Variants in PAG1 observed in about 807,000 individuals in gnomAD.
The protein encoded by PAG1 is phosphoprotein associated with glycosphingolipid-enriched microdomains 1.
A neutral mutation model predicts 31.7 loss-of-function variants in PAG1; 23 were observed. The ratio of observed to expected loss-of-function variants is 0.73; its 90% confidence interval spans 0.52 to 1.03. The LOEUF (loss-of-function observed/expected upper bound fraction) is 1.03. PAG1 is among the 50% of genes least tolerant of loss of function. PAG1 has a pLI of 0.00. For missense variants in PAG1, 473 were observed against 540.7 expected, an observed-to-expected ratio of 0.87 and a Z score of 1.24; for synonymous variants, 214 against 210.3, an observed-to-expected ratio of 1.02 and a Z score of -0.15.
intron 1 of PAG1, among the ~76,000 whole-genome samples, chr8:81,104,384 TC>T (rs1280221240): frequency 1.0e-5 from 1 of 96,072 alleles, no homozygotes; most frequent in African/African-American, 4.3e-5. Flanking sequence ...TTGGCCTTCG[TC>T]CTTTTTTTTT....
In PAG1 at chr8:80,990,267, G is replaced by A. The variant is rs1054970666; in HGVS notation, c.177+1212C>T. On this transcript the variant is annotated intron_variant, in intron 5 of 8. Transcript: ENST00000220597. The surrounding 1 kb of genome is among the most constrained non-coding windows in gnomAD (Gnocchi z 5.1). ...ATCCTGGGGGTCCCAGGAGGAACGG[G>A]GAGTCCTGACAACTTCCTGCCTGCT... Among the ~76,000 whole-genome samples, 2 of 152,042 alleles carry A rather than the reference G, an allele frequency of 1.3e-5. No homozygotes were observed. The highest frequency in any genetic ancestry group is 6.6e-5 in the Admixed American group (1 of 15,262).
rs565338494 is a variant in PAG1, at chr8:80,996,577, ATG to A, written c.-80-3272_-80-3271del. Among the ~76,000 whole-genome samples, 352 of 152,056 alleles carry A rather than the reference ATG, an allele frequency of 2.3e-3. 1 individual carries two copies. The highest frequency in any genetic ancestry group is 4.4e-3 in the Non-Finnish European group (297 of 67,970). On this transcript the variant is annotated intron_variant, in intron 3 of 8. Transcript: ENST00000220597. ...CAGGTCTAGATGGACTTCCTGGTAA[ATG>A]TGTGTCGGTGGACCGGCTCCTCCCC...
At chr8:81,008,383 A>G (rs1586161866) in intron 3 of PAG1, among the ~76,000 whole-genome samples, 1 of 152,168 alleles carries the variant, frequency 6.6e-6, no homozygotes, top group East Asian at 1.9e-4. Context: ...AACATAATTA[A>G]GAACAATGTA....
chr8:81,065,506 A>G (rs1428613035), intron 2 of PAG1, among the ~76,000 whole-genome samples: 1 of 152,180 alleles, frequency 6.6e-6, no homozygotes, highest in African/African-American at 2.4e-5. Context: ...GAAACTCGCC[A>G]TAGGTCACAA....
chr8:81,074,291 A>T (rs1387648132), intron 1 of PAG1, among the ~76,000 whole-genome samples: 1 of 152,156 alleles, frequency 6.6e-6, no homozygotes, highest in African/African-American at 2.4e-5. Flanking sequence ...GAGCTGTGTT[A>T]CGCAGGGTTG....
intron 2 of PAG1, among the ~76,000 whole-genome samples, chr8:81,059,949 C>A (rs535047784): frequency 6.6e-6 from 1 of 151,470 alleles, no homozygotes; most frequent in Non-Finnish European, 1.5e-5. Flanking sequence ...ACCCAGGAGG[C>A]GGAGGTTGCA....
At chr8:81,007,083 C>T (rs561699106) in intron 3 of PAG1, among the ~76,000 whole-genome samples, 1 of 152,194 alleles carries the variant, frequency 6.6e-6, no homozygotes, top group Admixed American at 6.5e-5. Flanking sequence ...CGTTTTCACT[C>T]TTTTTCTGGA....
At chr8:81,088,605 T>C (rs13274324) in intron 1 of PAG1, among the ~76,000 whole-genome samples, 67,494 of 152,032 alleles carry the variant, frequency 0.44, 16,933 homozygotes, top group East Asian at 0.66. Flanking sequence ...TAAGGAGATC[T>C]AGAAAATAGT....
intron 1 of PAG1, among the ~76,000 whole-genome samples, chr8:81,093,911 G>T (rs1187331142): frequency 6.6e-6 from 1 of 152,194 alleles, no homozygotes; most frequent in East Asian, 1.9e-4. Flanking sequence ...TCTGCAGGAC[G>T]TAATGGCCAG....
Position 80,984,940 on chromosome 8 carries a change from G to A in PAG1, c.712C>T (p.Gln238Ter). The A allele has an allele frequency of 6.2e-7, 1 of 1,614,136 alleles. No individual in the cohort carries two copies. The change falls in exon 7 of 9, where the codon CAA (glutamine) becomes TAA (stop). Residue 238 changes from glutamine (Q) to a stop codon, truncating the protein, a stop_gained. Coordinates refer to ENST00000220597, the MANE Select transcript of PAG1 (RefSeq NM_018440.4). LOFTEE classifies it high-confidence loss of function. ...ASVDRNKKCR[Q>*]SVNVESILGN... ...AGGATACTCTCTACATTAACACTTT[G>A]ACGACATTTTTTGTTTCTGTCCACC...
At chr8:81,030,736 C>T (rs1331345313) in intron 2 of PAG1, among the ~76,000 whole-genome samples, 1 of 152,176 alleles carries the variant, frequency 6.6e-6, no homozygotes, top group Non-Finnish European at 1.5e-5. Flanking sequence ...ACCTGTTGTT[C>T]TGCTGTTTTT....
intron 2 of PAG1, among the ~76,000 whole-genome samples, chr8:81,042,238 G>A (rs904191901): frequency 5.3e-5 from 8 of 152,198 alleles, no homozygotes; most frequent in Non-Finnish European, 1.2e-4. Flanking sequence ...ACCAGTCAAG[G>A]CTCTTGCCCA....
chr8:81,093,621 C>T (rs908987753), intron 1 of PAG1, among the ~76,000 whole-genome samples: 4 of 151,576 alleles, frequency 2.6e-5, no homozygotes, highest in Non-Finnish European at 5.9e-5. Flanking sequence ...TATGCCATAC[C>T]CCCAGATGTG....
chr8:80,993,612 T>C (rs1435127440), intron 3 of PAG1, among the ~76,000 whole-genome samples: 1 of 151,322 alleles, frequency 6.6e-6, no homozygotes, highest in Admixed American at 6.6e-5. Flanking sequence ...TTTTTTTTTT[T>C]TTTTTCTTCA....
intron 3 of PAG1, among the ~76,000 whole-genome samples, chr8:81,000,969 C>T (rs1282686609): frequency 1.3e-5 from 2 of 152,216 alleles, no homozygotes; most frequent in Non-Finnish European, 2.9e-5. Flanking sequence ...CTCCTAGGTT[C>T]CTCACACAAG....
At chr8:80,981,138 C>T (rs1054983849) in intron 7 of PAG1, among the ~76,000 whole-genome samples, 3 of 152,074 alleles carry the variant, frequency 2.0e-5, no homozygotes, top group Admixed American at 6.5e-5. Context: ...TGTCCACCCC[C>T]GGCCTCAGCA....
chr8:81,106,003 A>G (rs750421395), intron 1 of PAG1, among the ~76,000 whole-genome samples: 15 of 152,292 alleles, frequency 9.8e-5, no homozygotes, highest in Middle Eastern at 3.4e-3. Flanking sequence ...CATCTGTGAA[A>G]TGGGAGAGGG....
chr8:81,013,213 G>A (rs1021643127), intron 3 of PAG1, among the ~76,000 whole-genome samples: 1 of 152,210 alleles, frequency 6.6e-6, no homozygotes, highest in Non-Finnish European at 1.5e-5. Context: ...TTTAAGGTAT[G>A]GTCTTGGGTT....
intron 3 of PAG1, among the ~76,000 whole-genome samples, chr8:81,009,209 CAT>C (rs1223979422): frequency 6.6e-6 from 1 of 152,056 alleles, no homozygotes; most frequent in African/African-American, 2.4e-5. Flanking sequence ...TTTTTTATTT[CAT>C]ATGTTTTAAA....
Sources: allele counts gnomAD v4.1 joint callset (sites outside exome capture counted in the v4.1 genomes callset), GRCh38; gene constraint gnomAD v4.1.1; non-coding constraint Gnocchi (gnomAD v3.1); transcripts MANE v1.5; gene names NCBI Gene and HGNC (gene_info 2026-07-23, HGNC 2026-07-21).